The following MGAT5B variants were observed in gnomAD, a reference collection of about 807,000 sequenced individuals.
The protein encoded by MGAT5B is alpha-1,6-mannosylglycoprotein 6-beta-N-acetylglucosaminyltransferase B.
A neutral mutation model predicts 95.1 loss-of-function variants in MGAT5B; 54 were observed. The observed-to-expected ratio is 0.57, with a 90% CI of 0.46 to 0.71. The LOEUF (loss-of-function observed/expected upper bound fraction) is 0.71, where lower values mean the gene tolerates loss of function less well. Among genes scored for constraint, MGAT5B ranks in the 30% least tolerant of loss-of-function variants. MGAT5B has a pLI of 0.00. For synonymous variants in MGAT5B, 464 were observed against 451.0 expected (o/e 1.03, Z -0.36); for missense variants, 935 against 1,088.6 (o/e 0.86, Z 1.99).
Position 76,906,893 on chromosome 17 carries a change from A to C in MGAT5B, c.1025+706A>C, listed in dbSNP as rs975436809. Reference sequence around the variant, plus strand: ...GATGCATACAAAGTCTATGTAAAGTATGTTGTGAAACACAACAGTCAAATC... The same window carrying C: ...GATGCATACAAAGTCTATGTAAAGTCTGTTGTGAAACACAACAGTCAAATC... On this transcript the variant is annotated intron_variant, in intron 8 of 17. Coordinates refer to ENST00000569840, the MANE Select transcript of MGAT5B (RefSeq NM_001199172.2). The surrounding 1 kb of genome is among the most constrained non-coding windows in gnomAD (Gnocchi z 4.6). 6.6e-6 allele frequency among the ~76,000 whole-genome samples: 1 copy of C among 152,096 alleles called. No homozygotes were observed. The highest frequency in any genetic ancestry group is 2.4e-5 in the African/African-American group (1 of 41,396).
At chr17:76,883,980 C>A (rs538495942) in intron 3 of MGAT5B, among the ~76,000 whole-genome samples, 6 of 152,306 alleles carry the variant, frequency 3.9e-5, no homozygotes, top group Admixed American at 3.3e-4. Context: ...GGCCATGGGG[C>A]CAACCTCTAA....
At position 76,948,100 on chromosome 17, in the gene MGAT5B, C is replaced by T; in HGVS notation, c.2180+14C>T. On this transcript the variant is annotated intron_variant, in intron 17 of 17. Coordinates refer to ENST00000569840, the MANE Select transcript of MGAT5B (RefSeq NM_001199172.2). ...CGCCTTCCTCAAGTGAGTGTTCCCC[C>T]ACCCTCCCCACCCAGCCGCTATCAT... The T allele has an allele frequency of 1.9e-6, 3 of 1,561,916 alleles. No individual in the cohort carries two copies. The highest frequency in any genetic ancestry group is 2.3e-5 in the East Asian group (1 of 44,332).
Position 76,882,283 on chromosome 17 carries a change from A to C in MGAT5B, c.314A>C (p.His105Pro). Reference protein sequence around the residue: ...SELHRAGGDLHFPADRMPPGA... With the variant: ...SELHRAGGDLPFPADRMPPGA... ...CTGCACCGGGCCGGCGGCGACCTGC[A>C]CTTTCCCGCAGACAGGTGAGGGGAC... The change falls in exon 3 of 18, where the codon CAC (histidine) becomes CCC (proline). Residue 105 changes from histidine to proline, a missense_variant. Coordinates refer to ENST00000569840, the MANE Select transcript of MGAT5B (RefSeq NM_001199172.2). 6.2e-7 allele frequency: 1 copy of C among 1,612,052 alleles called. No homozygotes were observed.
At chr17:76,905,000 C>T (rs1462768148) in intron 6 of MGAT5B, among the ~76,000 whole-genome samples, 169 bp from the exon 7 acceptor site, 1 of 152,150 alleles carries the variant, frequency 6.6e-6, no homozygotes, top group East Asian at 1.9e-4. Flanking sequence ...GTTGACAGGG[C>T]GGGCAGGGCT....
chr17:76,883,564 A>G (rs1967510618), intron 3 of MGAT5B, among the ~76,000 whole-genome samples: 1 of 152,174 alleles, frequency 6.6e-6, no homozygotes. Flanking sequence ...GCGGGAGGTC[A>G]GGCTGTCCCA....
chr17:76,943,627 G>GT (rs147464587), intron 15 of MGAT5B, among the ~76,000 whole-genome samples: 8 of 145,072 alleles, frequency 5.5e-5, no homozygotes, highest in African/African-American at 2.0e-4. Context: ...GTGGGGTGGG[G>GT]GGGGGGTCTC....
intron 8 of MGAT5B, among the ~76,000 whole-genome samples, chr17:76,913,401 T>C (rs1030995155): frequency 6.6e-6 from 1 of 152,210 alleles, no homozygotes; most frequent in Non-Finnish European, 1.5e-5. Context: ...CAGGCTGACC[T>C]GGGCAGCTCA....
intron 12 of MGAT5B, among the ~76,000 whole-genome samples, chr17:76,934,135 G>A (rs983115988): frequency 6.6e-6 from 1 of 152,188 alleles, no homozygotes. Flanking sequence ...GACTCAGGGG[G>A]ATCTCACCAT....
At chr17:76,913,852 T>C (rs1001330707) in intron 8 of MGAT5B, 16 of 452,202 alleles carry the variant, frequency 3.5e-5, no homozygotes, top group South Asian at 2.3e-4. Flanking sequence ...GGCTCACTCC[T>C]GTAATCCCAG....
intron 16 of MGAT5B, among the ~76,000 whole-genome samples, chr17:76,946,879 GA>G: frequency 6.6e-6 from 1 of 152,246 alleles, no homozygotes; most frequent in Non-Finnish European, 1.5e-5. Flanking sequence ...GAAACCAGGG[GA>G]CAGCCCCACG....
chr17:76,884,860 C>G (rs533960576), intron 3 of MGAT5B, among the ~76,000 whole-genome samples: 1 of 152,232 alleles, frequency 6.6e-6, no homozygotes, highest in South Asian at 2.1e-4. Flanking sequence ...CCTCGGCTTC[C>G]CAAAGTGCTG....
At chr17:76,873,008 T>C (rs763926601) in intron 2 of MGAT5B, 45 bp downstream of exon 2, 2 of 1,602,166 alleles carry the variant, frequency 1.2e-6, no homozygotes. Flanking sequence ...TGAGGGCGTT[T>C]GTGGGTCAAA....
At chr17:76,895,090 A>G (rs1186820098) in intron 3 of MGAT5B, among the ~76,000 whole-genome samples, 1 of 152,102 alleles carries the variant, frequency 6.6e-6, no homozygotes, top group Non-Finnish European at 1.5e-5. Context: ...CGCTCGCGTT[A>G]CCACTTGAGC....
In MGAT5B at chr17:76,903,324, A is replaced by G; in HGVS notation, c.467A>G (p.Gln156Arg). Reference protein sequence around the residue: ...HSKVSEGRRDQCEAPSDPKFP... With the variant: ...HSKVSEGRRDRCEAPSDPKFP... ...ACAGTGTCAGAAGGCCGGCGGGACC[A>G]GTGTGAGGCACCCAGTGACCCCAAG... Residue 156 changes from glutamine to arginine, a missense_variant, in exon 5 of 18, where the codon CAG (glutamine) becomes CGG (arginine). Around this residue, in one of 4 missense-constraint regions of MGAT5B, gnomAD observed 243 missense variants for 228.2 expected, o/e 1.06. Transcript: ENST00000569840. The G allele has an allele frequency of 1.2e-6, 2 of 1,610,904 alleles. No homozygotes were observed. Among genetic ancestry groups the G allele is most frequent in the Non-Finnish European group, 8.5e-7 (1 of 1,178,538 alleles).
Position 76,889,196 on chromosome 17 carries a change from A to G in MGAT5B, c.329+6898A>G, listed in dbSNP as rs1238752371. On this transcript the variant is annotated intron_variant, in intron 3 of 17. Transcript: ENST00000569840. The surrounding 1 kb of genome is among the most constrained non-coding windows in gnomAD (Gnocchi z 4.4). Reference sequence around the variant, plus strand: ...GCAGGGCTGGCGCAGGGGCAGTGTCAGCCCTGGGAGCTCGCCGTGTGACCT... The same window carrying G: ...GCAGGGCTGGCGCAGGGGCAGTGTCGGCCCTGGGAGCTCGCCGTGTGACCT... 6.6e-6 allele frequency among the ~76,000 whole-genome samples: 1 copy of G among 152,246 alleles called. No homozygotes were observed. Among genetic ancestry groups the G allele is most frequent in the Non-Finnish European group, 1.5e-5 (1 of 68,016 alleles).
rs1334391046 is a variant in MGAT5B at position 76,869,523 on chromosome 17, C to G, written c.68+426C>G. The stretch of plus-strand genomic sequence containing the variant: ...TCCCCCTCCGGTCCCTCCCGTCCCG[C>G]CCGTCTGCCCCTAGGTCGGCTACCC... On this transcript the variant is annotated intron_variant, in intron 1 of 17. Coordinates refer to ENST00000569840, the MANE Select transcript of MGAT5B (RefSeq NM_001199172.2). The surrounding 1 kb of genome is among the most constrained non-coding windows in gnomAD (Gnocchi z 7.0). 1.3e-5 allele frequency among the ~76,000 whole-genome samples: 2 copies of G among 152,178 alleles called. No homozygotes were observed. The highest frequency in any genetic ancestry group is 4.8e-5 in the African/African-American group (2 of 41,442).
chr17:76,887,885 G>A lies in MGAT5B; in HGVS notation c.329+5587G>A, dbSNP rs117665358. Among the ~76,000 whole-genome samples, 29 of 151,906 alleles carry A rather than the reference G, an allele frequency of 1.9e-4. 1 individual carries two copies. The East Asian group carries it at 5.5e-3, about 29-fold the overall frequency. On this transcript the variant is annotated intron_variant, in intron 3 of 17. Transcript: ENST00000569840. ...TGGGGTCTTTCTAAGTCATCAATAA[G>A]TGTCCAGGTCCCTCCTCTACTCCCC... is the stretch of plus-strand genomic sequence containing the variant.
In MGAT5B at chr17:76,915,685, A is replaced by G. The variant is rs577365972; in HGVS notation, c.1026-9281A>G. Among the ~76,000 whole-genome samples, 2 of 152,264 alleles carry G rather than the reference A, an allele frequency of 1.3e-5. No individual in the cohort carries two copies. The highest frequency in any genetic ancestry group is 2.1e-4 in the South Asian group (1 of 4,814). Reference sequence around the variant, plus strand: ...AGGTGGGGAAGAACCGCATCTTGGCACCTAGACTTGTGAATGGCAGCTCTC... The same window carrying G: ...AGGTGGGGAAGAACCGCATCTTGGCGCCTAGACTTGTGAATGGCAGCTCTC... On this transcript the variant is annotated intron_variant, in intron 8 of 17. Coordinates refer to ENST00000569840, the MANE Select transcript of MGAT5B (RefSeq NM_001199172.2). The surrounding 1 kb of genome is among the most constrained non-coding windows in gnomAD (Gnocchi z 8.7).
intron 8 of MGAT5B, among the ~76,000 whole-genome samples, chr17:76,907,025 A>G (rs1968555225): frequency 6.6e-6 from 1 of 150,902 alleles, no homozygotes; most frequent in Non-Finnish European, 1.5e-5. Flanking sequence ...ATGAAACCTT[A>G]ACTTGAACTT....
Sources: allele counts gnomAD v4.1 joint callset (sites outside exome capture counted in the v4.1 genomes callset), GRCh38; gene constraint gnomAD v4.1.1; regional missense constraint gnomAD v4.1.1; non-coding constraint Gnocchi (gnomAD v3.1); transcripts MANE v1.5; gene names NCBI Gene and HGNC (gene_info 2026-07-23, HGNC 2026-07-21).